The following MITF variants were observed in gnomAD, a reference collection of about 807,000 sequenced individuals.
MITF encodes the protein melanocyte inducing transcription factor.
In MITF, 17 loss-of-function variants were observed where a neutral mutation model predicts 60.5. The ratio of observed to expected loss-of-function variants is 0.28; its 90% CI spans 0.19 to 0.42. MITF has a LOEUF of 0.42. Among genes scored for constraint, MITF ranks in the 10% least tolerant of loss-of-function variants. The pLI is 1.00. For missense variants in MITF, 622 were observed against 683.5 expected, an observed-to-expected ratio of 0.91 and a Z score of 1.00; for synonymous variants, 260 against 248.5, an observed-to-expected ratio of 1.05 and a Z score of -0.43.
chr3:69,872,876 A>G (rs1044772589), intron 1 of MITF, among the ~76,000 whole-genome samples: 1 of 152,166 alleles, frequency 6.6e-6, no homozygotes, highest in Non-Finnish European at 1.5e-5. Context: ...GTACTGTGAA[A>G]TGTACAAAGC....
At chr3:69,922,631 C>T (rs1219847962) in intron 2 of MITF, among the ~76,000 whole-genome samples, 1 of 152,186 alleles carries the variant, frequency 6.6e-6, no homozygotes, top group East Asian at 1.9e-4. Flanking sequence ...TGCTTCACAA[C>T]TGAGTACGTA....
Position 69,941,297 on chromosome 3 carries a change from G to A in MITF, c.728G>A (p.Gly243Asp). ...LESSYNEEIL[G>D]LMDPALQMAN... is the part of the protein sequence containing the mutation. ...TCAAGTTATAATGAGGAAATCTTGG[G>A]CTTGATGGATCCTGCTTTGCAAATG... The change falls in exon 5 of 10, where the codon GGC becomes GAC. Residue 243 changes from glycine to aspartate, a missense_variant. By Grantham distance (94) the Gly-to-Asp change is moderately conservative. Transcript: ENST00000352241. The A allele has an allele frequency of 3.7e-6, 6 of 1,613,140 alleles. No homozygotes were observed. The highest frequency in any genetic ancestry group is 5.1e-6 in the Non-Finnish European group (6 of 1,179,382).
At chr3:69,858,702 C>T (rs1393412683) in intron 1 of MITF, among the ~76,000 whole-genome samples, 1 of 152,102 alleles carries the variant, frequency 6.6e-6, no homozygotes, top group Non-Finnish European at 1.5e-5. Flanking sequence ...TTTAGTTATG[C>T]ACTATGAATA....
intron 1 of MITF, among the ~76,000 whole-genome samples, chr3:69,873,994 G>A (rs1171504419): frequency 6.6e-6 from 1 of 152,104 alleles, no homozygotes; most frequent in Non-Finnish European, 1.5e-5. Flanking sequence ...TGAAACCCCT[G>A]TAGCTTAACC....
At chr3:69,783,635 G>T (rs1466142631) in intron 1 of MITF, among the ~76,000 whole-genome samples, 1 of 151,822 alleles carries the variant, frequency 6.6e-6, no homozygotes, top group East Asian at 1.9e-4. Context: ...AAAGACTAAT[G>T]GTATACTTTA....
chr3:69,861,954 A>T (rs1189927198), intron 1 of MITF, among the ~76,000 whole-genome samples: 4 of 152,098 alleles, frequency 2.6e-5, no homozygotes, highest in African/African-American at 9.7e-5. Context: ...ATTAAAATGT[A>T]TGAGTAACTT....
At chr3:69,754,958 A>G (rs1162188142) in intron 1 of MITF, among the ~76,000 whole-genome samples, 1 of 152,008 alleles carries the variant, frequency 6.6e-6, no homozygotes, top group Non-Finnish European at 1.5e-5. Flanking sequence ...AGTGGGGAGG[A>G]GGAGGCTAAG....
At chr3:69,760,411 A>G (rs1056796374) in intron 1 of MITF, among the ~76,000 whole-genome samples, 2 of 152,210 alleles carry the variant, frequency 1.3e-5, no homozygotes, top group Admixed American at 1.3e-4. Context: ...TAGTGAAGCA[A>G]CAGTGTACAA....
chr3:69,766,659 T>G (rs1349910492), intron 1 of MITF, among the ~76,000 whole-genome samples: 2 of 152,186 alleles, frequency 1.3e-5, no homozygotes, highest in African/African-American at 4.8e-5. Flanking sequence ...TGCTACCTAC[T>G]CATATGACCC....
At chr3:69,848,433 G>GA (rs2063768275) in intron 1 of MITF, among the ~76,000 whole-genome samples, 1 of 152,168 alleles carries the variant, frequency 6.6e-6, no homozygotes, top group South Asian at 2.1e-4. Flanking sequence ...CATGGCTGAG[G>GA]AATCAAAACA....
intron 1 of MITF, chr3:69,763,437 C>A: frequency 1.2e-6 from 1 of 829,004 alleles, no homozygotes; most frequent in Non-Finnish European, 1.5e-6. Context: ...TGATTACCAT[C>A]TAGCACCTCC....
At chr3:69,918,091 G>T (rs1014650075) in intron 2 of MITF, among the ~76,000 whole-genome samples, 3 of 152,048 alleles carry the variant, frequency 2.0e-5, no homozygotes, top group African/African-American at 7.2e-5. Flanking sequence ...TTGAGACACA[G>T]TCTCACTCTG....
At chr3:69,901,366 C>G (rs1170677548) in intron 2 of MITF, among the ~76,000 whole-genome samples, 1 of 152,014 alleles carries the variant, frequency 6.6e-6, no homozygotes, top group Non-Finnish European at 1.5e-5. Context: ...CCTTTTATAA[C>G]AATTTTTACT....
At chr3:69,901,790 C>G (rs1483059127) in intron 2 of MITF, among the ~76,000 whole-genome samples, 1 of 152,192 alleles carries the variant, frequency 6.6e-6, no homozygotes, top group African/African-American at 2.4e-5. Context: ...GTACTTTGAG[C>G]CTTGACGACA....
intron 1 of MITF, among the ~76,000 whole-genome samples, chr3:69,740,154 C>T (rs1407233123): frequency 1.3e-5 from 2 of 152,054 alleles, no homozygotes; most frequent in Non-Finnish European, 2.9e-5. Flanking sequence ...GACTGAGATG[C>T]GACATTGGAG....
At chr3:69,957,029 C>G (rs1199949423) in intron 8 of MITF, among the ~76,000 whole-genome samples, 1 of 152,046 alleles carries the variant, frequency 6.6e-6, no homozygotes, top group Non-Finnish European at 1.5e-5. Flanking sequence ...TATGTTTTAC[C>G]ATTGTAGGGG....
chr3:69,776,507 A>T (rs1395389447), intron 1 of MITF, among the ~76,000 whole-genome samples: 1 of 152,160 alleles, frequency 6.6e-6, no homozygotes, highest in Non-Finnish European at 1.5e-5. Context: ...CCTGCTACAT[A>T]GGGTTATTAT....
intron 2 of MITF, among the ~76,000 whole-genome samples, chr3:69,932,083 C>T (rs1409038963): frequency 6.6e-6 from 1 of 152,218 alleles, no homozygotes; most frequent in African/African-American, 2.4e-5. Flanking sequence ...TCACCCCATT[C>T]TTTCCTTCAA....
At chr3:69,924,582 C>G (rs1358511991) in intron 2 of MITF, among the ~76,000 whole-genome samples, 1 of 152,118 alleles carries the variant, frequency 6.6e-6, no homozygotes, top group Non-Finnish European at 1.5e-5. Context: ...AACCCATCAC[C>G]CAGCTTCGAG....
Sources: allele counts gnomAD v4.1 joint callset (sites outside exome capture counted in the v4.1 genomes callset), GRCh38; gene constraint gnomAD v4.1.1; transcripts MANE v1.5; gene names NCBI Gene and HGNC (gene_info 2026-07-23, HGNC 2026-07-21).